The following GAS7 variants were observed in gnomAD, a reference collection of about 807,000 sequenced individuals.
GAS7 encodes growth arrest-specific protein 7.
A neutral mutation model predicts 71.1 loss-of-function variants in GAS7; 28 were observed. The observed-to-expected ratio is 0.39, with a 90% CI of 0.29 to 0.54. GAS7 has a LOEUF of 0.54. Ranked by LOEUF, GAS7 falls within the 20% of genes least tolerant of loss-of-function variation. The pLI, the probability that GAS7 is intolerant of heterozygous loss-of-function variation, is 0.62. For synonymous variants in GAS7, 258 were observed against 245.8 expected (o/e 1.05, Z -0.46); for missense variants, 436 against 627.8 (o/e 0.69, Z 3.27).
chr17:10,141,798 T>G (rs1257731536), intron 1 of GAS7, among the ~76,000 whole-genome samples: 11 of 152,216 alleles, frequency 7.2e-5, no homozygotes, highest in Admixed American at 7.2e-4. Flanking sequence ...GGGTTAAACT[T>G]TTACATTTTC....
intron 5 of GAS7, among the ~76,000 whole-genome samples, chr17:9,948,282 T>C (rs955087755): frequency 2.0e-5 from 3 of 152,376 alleles, no homozygotes; most frequent in East Asian, 1.9e-4. Context: ...ACTGATAACA[T>C]TGTTTGCTTC....
chr17:9,937,084 G>A (rs559279318), intron 8 of GAS7, among the ~76,000 whole-genome samples: 90 of 152,344 alleles, frequency 5.9e-4, no homozygotes, highest in African/African-American at 2.0e-3. Context: ...CACGTTGTAC[G>A]TAGGGGGCTC....
chr17:10,192,327 C>T (rs1414383598), intron 1 of GAS7, among the ~76,000 whole-genome samples: 4 of 152,204 alleles, frequency 2.6e-5, no homozygotes, highest in Admixed American at 6.5e-5. Flanking sequence ...TGTCATGTGT[C>T]GCCTTGCTGC....
chr17:10,048,978 A>G (rs1427037658), intron 1 of GAS7, among the ~76,000 whole-genome samples: 1 of 152,184 alleles, frequency 6.6e-6, no homozygotes, highest in Admixed American at 6.5e-5. Flanking sequence ...GCTCCTGTCC[A>G]TCCCAGAACC....
chr17:10,010,183 TC>T (rs1441939926), intron 2 of GAS7, among the ~76,000 whole-genome samples: 16 of 151,958 alleles, frequency 1.1e-4, no homozygotes, highest in Admixed American at 1.0e-3. Context: ...GGCGTCTCCC[TC>T]TGTTGCCCAG....
In GAS7 at chr17:10,023,365, GCAGT is replaced by G. The variant is rs1290421774; in HGVS notation, c.184-3472_184-3469del. Among the ~76,000 whole-genome samples, 3 of 152,138 alleles carry G rather than the reference GCAGT, an allele frequency of 2.0e-5. No individual in the cohort carries two copies. In the East Asian group the frequency reaches 5.8e-4, roughly 29 times the overall value. Reference sequence around the variant, plus strand: ...TATAGACACAAACACCTAGAAACAAGCAGTCAGACAAAAATTGGTACATGGATGC... The same window carrying G: ...TATAGACACAAACACCTAGAAACAAGCAGACAAAAATTGGTACATGGATGC... On this transcript the variant is annotated intron_variant, in intron 1 of 13. Transcript: ENST00000432992.
intron 13 of GAS7, among the ~76,000 whole-genome samples, 187 bp from the exon 14 acceptor site, chr17:9,917,528 T>G (rs998882798): frequency 6.6e-6 from 1 of 152,162 alleles, no homozygotes; most frequent in African/African-American, 2.4e-5. Flanking sequence ...GAACCCAGTA[T>G]GCATCCCGAC....
intron 1 of GAS7, among the ~76,000 whole-genome samples, chr17:10,184,925 CTT>C (rs58498116): frequency 0.15 from 19,799 of 130,814 alleles, 1,371 homozygotes; most frequent in East Asian, 0.21. Flanking sequence ...TATAAAAACT[CTT>C]TTTTTTTTTT....
At chr17:10,006,914 G>A (rs1310205725) in intron 2 of GAS7, among the ~76,000 whole-genome samples, 1 of 152,140 alleles carries the variant, frequency 6.6e-6, no homozygotes, top group East Asian at 1.9e-4. Context: ...CCATAAAATT[G>A]AGTTGTTTGT....
intron 1 of GAS7, among the ~76,000 whole-genome samples, chr17:10,161,385 T>A (rs1363561770): frequency 3.9e-5 from 6 of 152,208 alleles, no homozygotes; most frequent in Non-Finnish European, 8.8e-5. Flanking sequence ...AGTTCACTCA[T>A]TTTCCAATGA....
intron 9 of GAS7, among the ~76,000 whole-genome samples, chr17:9,928,115 ATTTAT>A (rs1201679765): frequency 1.4e-5 from 2 of 144,576 alleles, no homozygotes; most frequent in Non-Finnish European, 3.0e-5. Flanking sequence ...TTTTTTATTT[ATTTAT>A]TTATTTTTTT....
At chr17:10,089,240 C>A (rs1174898401) in intron 1 of GAS7, among the ~76,000 whole-genome samples, 1 of 152,040 alleles carries the variant, frequency 6.6e-6, no homozygotes, top group African/African-American at 2.4e-5. Flanking sequence ...CATCCAGTCA[C>A]CCAGAGTGAA....
At chr17:10,154,913 TACACACACACACACACAC>T (rs57604032) in intron 1 of GAS7, among the ~76,000 whole-genome samples, 3 of 141,960 alleles carry the variant, frequency 2.1e-5, no homozygotes, top group African/African-American at 7.9e-5. Context: ...AACCCCAGGC[TACACACACACACACACAC>T]ACACACACAC....
intron 8 of GAS7, among the ~76,000 whole-genome samples, chr17:9,938,470 C>CAAAAAAAAAAAAAAAAAAAAA (rs34813185): frequency 1.5e-5 from 1 of 65,176 alleles, no homozygotes; most frequent in African/African-American, 6.1e-5. Context: ...GACTCTGTCT[C>CAAAAAAAAAAAAAAAAAAAAA]AAAAAAAAAA....
chr17:9,954,868 T>C (rs552749508), intron 5 of GAS7, among the ~76,000 whole-genome samples: 19 of 152,224 alleles, frequency 1.2e-4, no homozygotes, highest in African/African-American at 4.3e-4. Flanking sequence ...GGATGGAAGA[T>C]GGAAGAACAG....
intron 1 of GAS7, among the ~76,000 whole-genome samples, chr17:10,099,779 C>A (rs1366136755): frequency 1.3e-5 from 2 of 152,166 alleles, no homozygotes; most frequent in Non-Finnish European, 2.9e-5. Flanking sequence ...CTGCCCTGGC[C>A]TTCTCCCCAA....
chr17:10,194,728 C>T (rs1017779374), intron 1 of GAS7, among the ~76,000 whole-genome samples: 2 of 152,082 alleles, frequency 1.3e-5, no homozygotes, highest in Non-Finnish European at 2.9e-5. Context: ...AATCCCAGCA[C>T]TTTGGGAGGC....
At chr17:10,133,130 T>A (rs1372126725) in intron 1 of GAS7, among the ~76,000 whole-genome samples, 1 of 95,148 alleles carries the variant, frequency 1.1e-5, no homozygotes, top group Non-Finnish European at 2.5e-5. Flanking sequence ...ATATTTTTTT[T>A]TTTTCTTTTT....
chr17:9,964,307 T>A (rs1292943531), intron 4 of GAS7, among the ~76,000 whole-genome samples: 1 of 151,964 alleles, frequency 6.6e-6, no homozygotes, highest in African/African-American at 2.4e-5. Flanking sequence ...CTCAGCCCAT[T>A]TCCTCCCCCC....
Sources: allele counts gnomAD v4.1 joint callset (sites outside exome capture counted in the v4.1 genomes callset), GRCh38; gene constraint gnomAD v4.1.1; transcripts MANE v1.5; gene names NCBI Gene and HGNC (gene_info 2026-07-23, HGNC 2026-07-21).